Variants in AUH observed in about 807,000 individuals in gnomAD.
The protein encoded by AUH is AU RNA binding methylglutaconyl-CoA hydratase, also known as methylglutaconyl-CoA hydratase, mitochondrial.
In AUH, 29 loss-of-function variants were observed where a neutral mutation model predicts 42.3. The ratio of observed to expected loss-of-function variants is 0.69; its 90% confidence interval spans 0.51 to 0.93. AUH has a LOEUF of 0.93. Among genes scored for constraint, AUH ranks in the 40% least tolerant of loss-of-function variants. The pLI is 0.00. For synonymous variants in AUH, 174 were observed against 166.4 expected (o/e 1.05, Z -0.35); for missense variants, 452 against 438.1 (o/e 1.03, Z -0.28).
At chr9:91,355,781 G>T in intron 3 of AUH, 102 bp downstream of exon 3, 4 of 998,608 alleles carry the variant, frequency 4.0e-6, no homozygotes, top group Non-Finnish European at 6.2e-6. Context: ...AGGAGTTGTT[G>T]GTAATGGGGT....
intron 6 of AUH, among the ~76,000 whole-genome samples, chr9:91,265,440 C>G (rs1232431461): frequency 4.6e-5 from 7 of 152,046 alleles, no homozygotes; most frequent in Non-Finnish European, 8.8e-5. Context: ...CCTTAAGGCT[C>G]AGTTGTTTTT....
chr9:91,291,566 A>G (rs1826888395), intron 6 of AUH, among the ~76,000 whole-genome samples: 1 of 152,248 alleles, frequency 6.6e-6, no homozygotes, highest in Non-Finnish European at 1.5e-5. Context: ...GGCAGGCATA[A>G]TAGAGTAAGT....
chr9:91,347,945 A>T (rs972622671), intron 3 of AUH, among the ~76,000 whole-genome samples: 11 of 152,098 alleles, frequency 7.2e-5, no homozygotes, highest in South Asian at 2.1e-4. Context: ...GTAAATTTTT[A>T]AAAAATCAGT....
Position 91,356,136 on chromosome 9 carries a change from T to C in AUH, c.282A>G (p.Ile94Met). The part of the protein sequence containing the change: ...EENRGIVVLG[I>M]NRAYGKNSLS... ...GTGAATTTTTGCCATAAGCTCTGTT[T>C]ATTCCAAGCACCACAATTCCTAGTT... Residue 94 changes from isoleucine to methionine, a missense_variant, in exon 2 of 10, where the codon ATA becomes ATG. Ile to Met is a conservative substitution (Grantham distance 10). Coordinates refer to ENST00000375731, the MANE Select transcript of AUH (RefSeq NM_001698.3). 1 of 1,613,794 alleles carries C rather than the reference T, an allele frequency of 6.2e-7. No homozygotes were observed. Among genetic ancestry groups the C allele is most frequent in the Non-Finnish European group, 8.5e-7 (1 of 1,179,822 alleles).
chr9:91,221,061 T>C (rs748551955), intron 6 of AUH, 69 bp from the exon 7 acceptor site: 1 of 1,513,392 alleles, frequency 6.6e-7, no homozygotes, highest in South Asian at 1.1e-5. Flanking sequence ...CAGTGTTTCA[T>C]ATCTTCATTT....
intron 4 of AUH, among the ~76,000 whole-genome samples, chr9:91,301,759 T>C (rs1439640781): frequency 6.6e-6 from 1 of 152,184 alleles, no homozygotes; most frequent in East Asian, 1.9e-4. Context: ...TCAGGCACCA[T>C]ATGCCTTACA....
chr9:91,252,264 C>A (rs964121781), intron 6 of AUH, among the ~76,000 whole-genome samples: 12 of 151,800 alleles, frequency 7.9e-5, no homozygotes, highest in African/African-American at 2.9e-4. Flanking sequence ...CGCAGCCGGC[C>A]GAATTTTTTT....
chr9:91,339,451 A>G (rs1830940476), intron 3 of AUH, among the ~76,000 whole-genome samples: 1 of 152,236 alleles, frequency 6.6e-6, no homozygotes, highest in Non-Finnish European at 1.5e-5. Context: ...TACTGCAGGT[A>G]CTACAAATAT....
At position 91,277,801 on chromosome 9, in the gene AUH, A is replaced by T. The variant is rs77078954; in HGVS notation, c.655+18220T>A. On this transcript the variant is annotated intron_variant, in intron 6 of 9. Coordinates refer to ENST00000375731, the MANE Select transcript of AUH (RefSeq NM_001698.3). Reference sequence around the variant, plus strand: ...AAAATTATTTCCAACTATGATTCTGATTTCCTAATCAGACATTATTAGTGT... The same window carrying T: ...AAAATTATTTCCAACTATGATTCTGTTTTCCTAATCAGACATTATTAGTGT... 2.7e-4 allele frequency among the ~76,000 whole-genome samples: 41 copies of T among 152,286 alleles called. No homozygotes were observed. The East Asian group carries it at 7.9e-3, about 29-fold the overall frequency.
chr9:91,222,800 T>C (rs1301014496), intron 6 of AUH, among the ~76,000 whole-genome samples: 1 of 152,224 alleles, frequency 6.6e-6, no homozygotes, highest in Non-Finnish European at 1.5e-5. Context: ...ATGATAAGCA[T>C]ATTAGGAAAT....
At chr9:91,320,114 T>G (rs988004510) in intron 4 of AUH, among the ~76,000 whole-genome samples, 2 of 152,220 alleles carry the variant, frequency 1.3e-5, no homozygotes, top group African/African-American at 4.8e-5. Context: ...TAATCAAATC[T>G]CATATATTTG....
At chr9:91,334,870 A>G (rs1451871990) in intron 3 of AUH, among the ~76,000 whole-genome samples, 1 of 152,190 alleles carries the variant, frequency 6.6e-6, no homozygotes, top group Non-Finnish European at 1.5e-5. Context: ...CACTCCAAAC[A>G]GGCTTTTATT....
chr9:91,337,024 T>C (rs1830746588), intron 3 of AUH, among the ~76,000 whole-genome samples: 2 of 152,166 alleles, frequency 1.3e-5, no homozygotes, highest in Admixed American at 1.3e-4. Context: ...CTTCAACACA[T>C]CATTTACAAG....
chr9:91,223,318 C>T (rs1028402408), intron 6 of AUH, among the ~76,000 whole-genome samples: 18 of 151,804 alleles, frequency 1.2e-4, no homozygotes, highest in South Asian at 4.1e-4. Context: ...TGGAATCGTT[C>T]AGTATTTGTC....
chr9:91,241,314 A>G (rs1034216015), intron 6 of AUH, among the ~76,000 whole-genome samples: 2 of 152,338 alleles, frequency 1.3e-5, no homozygotes, highest in Middle Eastern at 3.4e-3. Context: ...ATATCATGCC[A>G]TAACATGCCT....
At chr9:91,347,889 A>C (rs1026269187) in intron 3 of AUH, among the ~76,000 whole-genome samples, 4 of 152,084 alleles carry the variant, frequency 2.6e-5, no homozygotes, top group African/African-American at 7.2e-5. Context: ...CACATTGTGC[A>C]CACGTACCCT....
chr9:91,225,871 G>C (rs1457871987), intron 6 of AUH, among the ~76,000 whole-genome samples: 3 of 151,818 alleles, frequency 2.0e-5, no homozygotes, highest in African/African-American at 7.3e-5. Context: ...GTCCCTAAAG[G>C]ACATGAACTC....
At chr9:91,293,323 GC>G (rs1168438709) in intron 6 of AUH, among the ~76,000 whole-genome samples, 2 of 152,238 alleles carry the variant, frequency 1.3e-5, no homozygotes, top group Non-Finnish European at 2.9e-5. Context: ...CAAAAGCTAG[GC>G]CTCTTGCACC....
chr9:91,336,377 C>G (rs1422523182), intron 3 of AUH, among the ~76,000 whole-genome samples: 1 of 152,140 alleles, frequency 6.6e-6, no homozygotes, highest in Non-Finnish European at 1.5e-5. Flanking sequence ...CATGCCTACT[C>G]CCAACACTTT....
Sources: gnomAD v4.1 joint callset for allele counts (sites outside exome capture counted in the v4.1 genomes callset) on GRCh38, gnomAD v4.1.1 for gene constraint, MANE v1.5 for transcripts, NCBI Gene and HGNC (gene_info 2026-07-23, HGNC 2026-07-21) for gene names.